SGCZ: variants seen among roughly 807,000 people sequenced by gnomAD.
SGCZ encodes sarcoglycan zeta, also known as zeta-sarcoglycan.
SGCZ carries 40 observed loss-of-function variants against 41.3 expected under a neutral mutation model. The observed-to-expected ratio is 0.97, with a 90% CI of 0.75 to 1.26. SGCZ has a LOEUF of 1.26. Among genes scored for constraint, SGCZ ranks in the 50% most tolerant of loss-of-function variants. The pLI is 0.00. For missense variants in SGCZ, 552 were observed against 369.8 expected, an observed-to-expected ratio of 1.49 and a Z score of -4.04; for synonymous variants, 206 against 137.5, an observed-to-expected ratio of 1.50 and a Z score of -3.49.
At chr8:14,091,230 G>T (rs747559561) in intron 7 of SGCZ, among the ~76,000 whole-genome samples, 9 of 151,446 alleles carry the variant, frequency 5.9e-5, no homozygotes, top group Non-Finnish European at 1.0e-4. Context: ...TTAATCTAGT[G>T]TGTCATTGAT....
In SGCZ at chr8:14,427,248, T is replaced by G. The variant is rs114806843; in HGVS notation, c.235-103044A>C. Among the ~76,000 whole-genome samples the G allele has an allele frequency of 6.2e-4, 94 of 152,186 alleles. 2 individuals carry two copies. The highest frequency in any genetic ancestry group is 2.0e-3 in the African/African-American group (84 of 41,540). The stretch of plus-strand genomic sequence containing the variant: ...ACTAATGACTACTAGCCTTAGTACA[T>G]GGATGAGGAAATAAGCTATACAACA... On this transcript the variant is annotated intron_variant, in intron 2 of 7. Coordinates refer to ENST00000382080, the MANE Select transcript of SGCZ (RefSeq NM_139167.4).
chr8:14,409,634 C>A (rs1799307019), intron 2 of SGCZ, among the ~76,000 whole-genome samples: 1 of 152,088 alleles, frequency 6.6e-6, no homozygotes, highest in Admixed American at 6.6e-5. Flanking sequence ...TTATTTGAGA[C>A]ACTCCTGCTA....
Position 14,629,222 on chromosome 8 carries a change from G to A in SGCZ, c.40-74296C>T, listed in dbSNP as rs141533111. Among the ~76,000 whole-genome samples the A allele has an allele frequency of 2.6e-5, 4 of 152,136 alleles. No individual in the cohort carries two copies. The East Asian group carries it at 7.7e-4, about 29-fold the overall frequency. On this transcript the variant is annotated intron_variant, in intron 1 of 7. Coordinates refer to ENST00000382080, the MANE Select transcript of SGCZ (RefSeq NM_139167.4). ...CTTCCAATACTTTGATTACTTCACT[G>A]TAGAATGGAGTTACTAAAAGTTTAC...
intron 4 of SGCZ, among the ~76,000 whole-genome samples, chr8:14,227,980 T>C (rs35482427): frequency 0.36 from 54,424 of 151,842 alleles, 10,162 homozygotes; most frequent in Non-Finnish European, 0.42. Context: ...AGTATTGTTG[T>C]GCAGTCATCT....
intron 1 of SGCZ, among the ~76,000 whole-genome samples, chr8:14,694,360 TA>T (rs1385762450): frequency 6.6e-6 from 1 of 152,258 alleles, no homozygotes; most frequent in East Asian, 1.9e-4. Context: ...TTTTCTGGGA[TA>T]TTTTGCATAT....
intron 1 of SGCZ, among the ~76,000 whole-genome samples, chr8:14,560,756 AT>A (rs1409518157): frequency 2.6e-5 from 4 of 152,112 alleles, no homozygotes; most frequent in African/African-American, 4.8e-5. Flanking sequence ...TAAGATTGAA[AT>A]TTTTTTTGGT....
intron 2 of SGCZ, among the ~76,000 whole-genome samples, chr8:14,425,813 A>T (rs1226593792): frequency 6.6e-6 from 1 of 152,150 alleles, no homozygotes; most frequent in Non-Finnish European, 1.5e-5. Context: ...CAAGCTAATA[A>T]AATGTCAGTA....
At position 15,096,793 on chromosome 8, in the gene SGCZ, C is replaced by A. The variant is rs181721230; in HGVS notation, c.39+140792G>T. Among the ~76,000 whole-genome samples, 755 of 152,178 alleles carry A rather than the reference C, an allele frequency of 5.0e-3. 4 individuals are homozygous for A. Among genetic ancestry groups the A allele is most frequent in the Middle Eastern group, 0.017 (5 of 294 alleles). On this transcript the variant is annotated intron_variant, in intron 1 of 7. Coordinates refer to ENST00000382080, the MANE Select transcript of SGCZ (RefSeq NM_139167.4). ...CTCCACCTCCAGAGTTCAAGGGATT[C>A]CCCTGCCTCAGCCTCTCGAGTAGCT...
chr8:14,865,210 C>T (rs1352425663), intron 1 of SGCZ, among the ~76,000 whole-genome samples: 3 of 152,082 alleles, frequency 2.0e-5, no homozygotes. Flanking sequence ...CACTTCACCT[C>T]CTGCATCTCC....
intron 1 of SGCZ, among the ~76,000 whole-genome samples, chr8:15,097,726 A>AT (rs1806400201): frequency 1.1e-5 from 1 of 94,492 alleles, no homozygotes; most frequent in African/African-American, 3.7e-5. Context: ...GAGAGCTTAT[A>AT]AAAAAAAAAA....
At chr8:14,423,203 C>A (rs562893625) in intron 2 of SGCZ, among the ~76,000 whole-genome samples, 203 of 151,642 alleles carry the variant, frequency 1.3e-3, no homozygotes, top group African/African-American at 4.7e-3. Flanking sequence ...AGGAGATATA[C>A]CTAATGCTAA....
intron 2 of SGCZ, among the ~76,000 whole-genome samples, chr8:14,524,969 T>C (rs912784657): frequency 1.3e-5 from 2 of 152,124 alleles, no homozygotes; most frequent in Non-Finnish European, 2.9e-5. Context: ...TTAATTACTA[T>C]TTCAAGTGTC....
At chr8:14,100,550 G>C (rs1024423493) in intron 7 of SGCZ, among the ~76,000 whole-genome samples, 1 of 81,772 alleles carries the variant, frequency 1.2e-5, no homozygotes, top group Non-Finnish European at 2.8e-5. Flanking sequence ...TTATACATTA[G>C]ATTAATATAT....
intron 1 of SGCZ, among the ~76,000 whole-genome samples, chr8:15,065,090 A>G (rs1346246820): frequency 6.6e-6 from 1 of 152,098 alleles, no homozygotes; most frequent in Non-Finnish European, 1.5e-5. Context: ...CCAAATCTGG[A>G]TAATTTCCCC....
At chr8:14,166,837 A>G (rs1173165838) in intron 4 of SGCZ, among the ~76,000 whole-genome samples, 2 of 152,204 alleles carry the variant, frequency 1.3e-5, no homozygotes, top group African/African-American at 4.8e-5. Context: ...TGAAACCTTA[A>G]TTCATTAAAT....
At chr8:14,832,899 A>G (rs1802580262) in intron 1 of SGCZ, among the ~76,000 whole-genome samples, 1 of 152,166 alleles carries the variant, frequency 6.6e-6, no homozygotes, top group South Asian at 2.1e-4. Context: ...TTTAACTATA[A>G]TATCTTGCCA....
Position 14,829,234 on chromosome 8 carries a change from G to A in SGCZ, c.40-274308C>T, listed in dbSNP as rs77358713. Among the ~76,000 whole-genome samples, 9 of 151,520 alleles carry A rather than the reference G, an allele frequency of 5.9e-5. No individual in the cohort carries two copies. In the South Asian group the frequency reaches 6.2e-4, roughly 11 times the overall value. On this transcript the variant is annotated intron_variant, in intron 1 of 7. Transcript: ENST00000382080. Reference sequence around the variant, plus strand: ...ATAGGCCCCAGTGCATATTGTTGCCGTCTATATATCCATGTGTTCTCAACA... The same window carrying A: ...ATAGGCCCCAGTGCATATTGTTGCCATCTATATATCCATGTGTTCTCAACA...
At chr8:14,736,317 T>A (rs1799027561) in intron 1 of SGCZ, among the ~76,000 whole-genome samples, 1 of 152,186 alleles carries the variant, frequency 6.6e-6, no homozygotes, top group African/African-American at 2.4e-5. Context: ...AAATTCCCTT[T>A]AAATAGTCTG....
chr8:15,047,606 T>C (rs923570312), intron 1 of SGCZ, among the ~76,000 whole-genome samples: 8 of 152,022 alleles, frequency 5.3e-5, no homozygotes, highest in African/African-American at 9.7e-5. Flanking sequence ...TACAGGGATC[T>C]CAGGAGTGTT....
Sources: allele counts gnomAD v4.1 joint callset (sites outside exome capture counted in the v4.1 genomes callset), GRCh38; gene constraint gnomAD v4.1.1; transcripts MANE v1.5; gene names NCBI Gene and HGNC (gene_info 2026-07-23, HGNC 2026-07-21).